Variants in FOXP2 observed in about 807,000 individuals in gnomAD.
FOXP2 encodes the protein forkhead box protein P2.
FOXP2 carries 12 observed loss-of-function variants against 115.8 expected under a neutral mutation model. The ratio of observed to expected loss-of-function variants is 0.10; its 90% CI spans 0.07 to 0.17. FOXP2 has a LOEUF of 0.17. Among genes scored for constraint, FOXP2 ranks in the 10% least tolerant of loss-of-function variants. The pLI is 1.00. For missense variants in FOXP2, 629 were observed against 843.5 expected, an observed-to-expected ratio of 0.75 and a Z score of 3.15; for synonymous variants, 328 against 297.7, an observed-to-expected ratio of 1.10 and a Z score of -1.05.
intron 8 of FOXP2, among the ~76,000 whole-genome samples, chr7:114,649,698 A>G (rs1367986927): frequency 2.0e-5 from 3 of 152,114 alleles, no homozygotes; most frequent in African/African-American, 7.2e-5. Flanking sequence ...AGTAGAGGGA[A>G]TGAATAGGCA....
chr7:114,509,670 TG>T (rs377552024), intron 2 of FOXP2, among the ~76,000 whole-genome samples: 1,990 of 139,110 alleles, frequency 0.014, 42 homozygotes, highest in African/African-American at 0.048. Flanking sequence ...TTTTCTTTGG[TG>T]GGGGGGGGGC....
intron 1 of FOXP2, among the ~76,000 whole-genome samples, chr7:114,269,450 C>T (rs1466767696): frequency 1.3e-5 from 2 of 151,986 alleles, no homozygotes; most frequent in Non-Finnish European, 2.9e-5. Context: ...TTTTGAGACA[C>T]AGTCTTGCTC....
intron 2 of FOXP2, among the ~76,000 whole-genome samples, chr7:114,435,662 C>A (rs1316979454): frequency 6.6e-6 from 1 of 152,096 alleles, no homozygotes; most frequent in Non-Finnish European, 1.5e-5. Flanking sequence ...CTCAGCCTCC[C>A]GAATGGCTGG....
chr7:114,656,443 A>G (rs1366863179), intron 10 of FOXP2: 1 of 431,850 alleles, frequency 2.3e-6, no homozygotes, highest in Non-Finnish European at 4.7e-6. Flanking sequence ...ATTTTAGAAT[A>G]TTTGCAAAGT....
At chr7:114,256,696 T>C (rs1795622187) in intron 1 of FOXP2, among the ~76,000 whole-genome samples, 1 of 152,222 alleles carries the variant, frequency 6.6e-6, no homozygotes, top group African/African-American at 2.4e-5. Flanking sequence ...GCAGAAATTC[T>C]TTACTTTAAT....
At chr7:114,688,175 C>T (rs1280459831) in intron 16 of FOXP2, among the ~76,000 whole-genome samples, 1 of 138,080 alleles carries the variant, frequency 7.2e-6, no homozygotes, top group Non-Finnish European at 1.5e-5. Flanking sequence ...TTCTTCTCTC[C>T]TACAAACACA....
At chr7:114,128,503 G>A (rs1032483361) in intron 1 of FOXP2, among the ~76,000 whole-genome samples, 1 of 150,690 alleles carries the variant, frequency 6.6e-6, no homozygotes, top group African/African-American at 2.4e-5. Context: ...ACATTTTTCA[G>A]TGTAAGTATT....
At chr7:114,189,263 A>C (rs1333190246) in intron 1 of FOXP2, among the ~76,000 whole-genome samples, 5 of 152,188 alleles carry the variant, frequency 3.3e-5, no homozygotes, top group Admixed American at 6.5e-5. Context: ...TTATTTTAAA[A>C]ATTTATGATG....
At chr7:114,422,751 C>G (rs148981136) in intron 1 of FOXP2, among the ~76,000 whole-genome samples, 2 of 151,470 alleles carry the variant, frequency 1.3e-5, no homozygotes, top group Non-Finnish European at 3.0e-5. Context: ...AACATTGCTG[C>G]GAATACGGAA....
intron 2 of FOXP2, among the ~76,000 whole-genome samples, chr7:114,365,973 C>T (rs1177334566): frequency 3.3e-5 from 5 of 151,776 alleles, no homozygotes; most frequent in Admixed American, 6.6e-5. Flanking sequence ...GGGTTTTTAC[C>T]GTCAGTATGA....
intron 1 of FOXP2, among the ~76,000 whole-genome samples, chr7:114,152,559 A>T (rs1792554555): frequency 6.6e-6 from 1 of 152,168 alleles, no homozygotes; most frequent in South Asian, 2.1e-4. Context: ...ATTTCATTAA[A>T]CAAGAAGAGG....
rs373553861 is a variant in FOXP2 at position 114,089,353 on chromosome 7, C to T, written c.-247+1515C>T. Among the ~76,000 whole-genome samples the T allele has an allele frequency of 3.3e-5, 5 of 151,910 alleles. No homozygotes were observed. The East Asian group carries it at 5.8e-4, about 18-fold the overall frequency. The stretch of plus-strand genomic sequence containing the variant: ...TTTAAGGGAATAATTTTTAATTCAA[C>T]TTAAATATAAGTACAATGAATACTT... On this transcript the variant is annotated intron_variant, in intron 1 of 19. Transcript: ENST00000635638.
intron 2 of FOXP2, among the ~76,000 whole-genome samples, chr7:114,451,342 TTTAACCAATCATCAGCTG>T (rs1410625294): frequency 6.6e-6 from 1 of 152,080 alleles, no homozygotes; most frequent in African/African-American, 2.4e-5. Flanking sequence ...TGAATTTTGC[TTTAACCAATCATCAGCTG>T]TTGACCTTGG....
rs1794047414 is a variant in FOXP2, at chr7:114,201,000, C to T, written c.-102+37912C>T. Among the ~76,000 whole-genome samples the T allele has an allele frequency of 2.0e-5, 3 of 151,874 alleles. No homozygotes were observed. In the South Asian group the frequency reaches 6.2e-4, roughly 32 times the overall value. ...TGAAACCCTGTTTCTACTAAAAATA[C>T]AAAAAATTAGCTGGGCATGGTGGCA... On this transcript the variant is annotated intron_variant, in intron 1 of 17. Transcript: ENST00000634411.
chr7:114,270,369 A>C (rs1202260555), intron 1 of FOXP2, among the ~76,000 whole-genome samples: 1 of 152,158 alleles, frequency 6.6e-6, no homozygotes, highest in Admixed American at 6.6e-5. Context: ...CTTTGATTAG[A>C]GTGTCCTTAG....
At chr7:114,286,857 C>A (rs548719974) in intron 1 of FOXP2, among the ~76,000 whole-genome samples, 35 of 151,942 alleles carry the variant, frequency 2.3e-4, no homozygotes, top group Non-Finnish European at 4.6e-4. Context: ...GGGATTCAAC[C>A]AGAATACGTG....
Position 114,642,515 on chromosome 7 carries a change from A to G in FOXP2, c.881A>G (p.Asn294Ser). Reference sequence around the variant, plus strand: ...CATGGAGGGCTAGACCTCACTACTAACAATTCCTCCTCGACTACCTCCTCC... The same window carrying G: ...CATGGAGGGCTAGACCTCACTACTAGCAATTCCTCCTCGACTACCTCCTCC... ...IKHGGLDLTT[N>S]NSSSTTSSNT... Residue 294 changes from asparagine (N) to serine (S), a missense_variant, in exon 7 of 17, where the codon AAC becomes AGC. By Grantham distance (46) the Asn-to-Ser change is conservative (BLOSUM62 1). Around this residue, in one of 9 missense-constraint regions of FOXP2, gnomAD observed 92 missense variants for 80.1 expected, o/e 1.15. Coordinates refer to ENST00000350908, the MANE Select transcript of FOXP2 (RefSeq NM_014491.4). 1 of 1,613,846 alleles carries G rather than the reference A, an allele frequency of 6.2e-7. No homozygotes were observed. Among genetic ancestry groups the G allele is most frequent in the Non-Finnish European group, 8.5e-7 (1 of 1,179,930 alleles).
intron 2 of FOXP2, among the ~76,000 whole-genome samples, chr7:114,402,949 T>C (rs1382941182): frequency 6.6e-6 from 1 of 152,108 alleles, no homozygotes; most frequent in Non-Finnish European, 1.5e-5. Flanking sequence ...CCCGACCACA[T>C]GCAAGTGATT....
chr7:114,605,254 G>A (rs888256528), intron 3 of FOXP2, among the ~76,000 whole-genome samples: 1 of 152,052 alleles, frequency 6.6e-6, no homozygotes, highest in African/African-American at 2.4e-5. Flanking sequence ...GCCAAAAGTA[G>A]AAATTATAAT....
Sources: gnomAD v4.1 joint callset for allele counts (sites outside exome capture counted in the v4.1 genomes callset) on GRCh38, gnomAD v4.1.1 for gene constraint, gnomAD v4.1.1 regional missense constraint, MANE v1.5 for transcripts, NCBI Gene and HGNC (gene_info 2026-07-23, HGNC 2026-07-21) for gene names.